FNDC3B: variants seen among roughly 807,000 people sequenced by gnomAD.
FNDC3B encodes fibronectin type III domain containing 3B, also known as fibronectin type III domain-containing protein 3B.
In FNDC3B, 12 loss-of-function variants were observed where a neutral mutation model predicts 151.5. The observed-to-expected ratio is 0.08, with a 90% CI of 0.05 to 0.13. The LOEUF is 0.13. Among genes scored for constraint, FNDC3B ranks in the 10% least tolerant of loss-of-function variants. The pLI is 1.00. For missense variants in FNDC3B, 1,214 were observed against 1,505.3 expected (o/e 0.81, Z 3.20); for synonymous variants, 528 against 549.0 (o/e 0.96, Z 0.54).
rs1731365187 is a variant in FNDC3B, at chr3:172,309,579, C to T, written c.1201-1249C>T. On this transcript the variant is annotated intron_variant, in intron 10 of 25. Transcript: ENST00000415807. ...AAGAGCCTAAAATAACAGTTTAGGA[C>T]TTAGAGCACTCACCTGAGATCCGAG... is the stretch of plus-strand genomic sequence containing the variant. 2.0e-5 allele frequency among the ~76,000 whole-genome samples: 3 copies of T among 152,058 alleles called. No homozygotes were observed. The South Asian group carries it at 6.2e-4, about 32-fold the overall frequency.
chr3:172,133,404 G>A (rs972828818), intron 2 of FNDC3B, 67 bp from the exon 3 acceptor site: 1 of 1,204,528 alleles, frequency 8.3e-7, no homozygotes, highest in Non-Finnish European at 1.2e-6. Context: ...TATAAATTTA[G>A]GTAATAACAC....
At chr3:172,145,232 A>G (rs1457376963) in intron 3 of FNDC3B, among the ~76,000 whole-genome samples, 2 of 152,190 alleles carry the variant, frequency 1.3e-5, no homozygotes, top group South Asian at 2.1e-4. Flanking sequence ...ATGTATTAGC[A>G]GATTATTATT....
intron 1 of FNDC3B, among the ~76,000 whole-genome samples, chr3:172,100,279 T>G (rs1719318141): frequency 6.6e-6 from 1 of 152,244 alleles, no homozygotes; most frequent in African/African-American, 2.4e-5. Flanking sequence ...CTGCTTACTT[T>G]TTCTTAACAA....
intron 3 of FNDC3B, among the ~76,000 whole-genome samples, chr3:172,190,939 G>A (rs1312750108): frequency 6.6e-6 from 1 of 152,194 alleles, no homozygotes; most frequent in Non-Finnish European, 1.5e-5. Context: ...AAAGTGCTGG[G>A]ATTACAGGCG....
At chr3:172,190,926 G>C (rs1454658266) in intron 3 of FNDC3B, among the ~76,000 whole-genome samples, 1 of 152,120 alleles carries the variant, frequency 6.6e-6, no homozygotes, top group African/African-American at 2.4e-5. Flanking sequence ...GCCTTGGCCT[G>C]CCAAAGTGCT....
intron 2 of FNDC3B, among the ~76,000 whole-genome samples, chr3:172,119,985 G>A (rs1042963784): frequency 1.3e-5 from 2 of 152,192 alleles, no homozygotes; most frequent in African/African-American, 4.8e-5. Flanking sequence ...AGATCTCTCT[G>A]AGTTAGTTTT....
intron 1 of FNDC3B, among the ~76,000 whole-genome samples, chr3:172,109,987 C>T (rs1196677390): frequency 2.0e-5 from 3 of 152,196 alleles, no homozygotes; most frequent in Non-Finnish European, 4.4e-5. Context: ...CTGGGGGATC[C>T]ATCTACCTTA....
chr3:172,368,239 C>T (rs1734722924), intron 23 of FNDC3B, among the ~76,000 whole-genome samples: 1 of 143,650 alleles, frequency 7.0e-6, no homozygotes, highest in South Asian at 2.2e-4. Flanking sequence ...CACTACACTA[C>T]AGCTTGGGCA....
chr3:172,338,610 G>C lies in FNDC3B; in HGVS notation c.1852+1209G>C, dbSNP rs572410709. Among the ~76,000 whole-genome samples, 9 of 152,180 alleles carry C rather than the reference G, an allele frequency of 5.9e-5. No individual in the cohort carries two copies. The South Asian group carries it at 1.9e-3, about 32-fold the overall frequency. On this transcript the variant is annotated intron_variant, in intron 16 of 25. Coordinates refer to ENST00000415807, the MANE Select transcript of FNDC3B (RefSeq NM_022763.4). ...CTTAGTGCCTTTTTAAAAATTCTAA[G>C]GTTTTCTTTCTAATAAAATTCATTA... is the stretch of plus-strand genomic sequence containing the variant.
intron 10 of FNDC3B, among the ~76,000 whole-genome samples, chr3:172,309,302 T>C (rs969250425): frequency 1.3e-5 from 2 of 152,200 alleles, no homozygotes; most frequent in Non-Finnish European, 2.9e-5. Context: ...AGATCTGACA[T>C]CTTTTTGTTC....
intron 1 of FNDC3B, among the ~76,000 whole-genome samples, chr3:172,110,449 T>C (rs574121770): frequency 4.6e-5 from 7 of 152,194 alleles, no homozygotes; most frequent in African/African-American, 1.7e-4. Context: ...TTGAACTCTC[T>C]AAACCTGTAT....
Position 172,177,626 on chromosome 3 carries a change from C to CTTTTTTTTTTTTTTTTTTTT in FNDC3B, c.187+44082_187+44101dup, listed in dbSNP as rs10684671. Among the ~76,000 whole-genome samples, 253 of 84,810 alleles carry CTTTTTTTTTTTTTTTTTTTT rather than the reference C, an allele frequency of 3.0e-3. 20 individuals are homozygous for CTTTTTTTTTTTTTTTTTTTT. The highest frequency in any genetic ancestry group is 8.2e-3 in the African/African-American group (169 of 20,510). The allele number at this position is 84,810 out of a possible 152,430, so 55.6% of individuals were successfully genotyped here. ...AGGAAGGAATCATTTTTACCACCATCTTTTTTTTTTTTTTTTTTTTTGCAC... is the reference window on the plus strand; with the variant it reads ...AGGAAGGAATCATTTTTACCACCATCTTTTTTTTTTTTTTTTTTTTTTTTTTTTTTTTTTTTTTTTTGCAC... On this transcript the variant is annotated intron_variant, in intron 3 of 25. Transcript: ENST00000415807.
At chr3:172,132,688 G>A (rs1440394422) in intron 2 of FNDC3B, among the ~76,000 whole-genome samples, 1 of 152,212 alleles carries the variant, frequency 6.6e-6, no homozygotes, top group Non-Finnish European at 1.5e-5. Context: ...GTGAGCCACC[G>A]TGCCCAGCCT....
intron 22 of FNDC3B, among the ~76,000 whole-genome samples, chr3:172,360,132 G>T (rs1734293584): frequency 6.6e-6 from 1 of 152,168 alleles, no homozygotes. Flanking sequence ...AGTTCCAGTT[G>T]TACCTTATCC....
intron 7 of FNDC3B, among the ~76,000 whole-genome samples, chr3:172,294,291 T>A (rs946567671): frequency 2.0e-5 from 3 of 152,112 alleles, no homozygotes; most frequent in Non-Finnish European, 2.9e-5. Context: ...TACCTGAGAT[T>A]GGGTAATTTA....
At chr3:172,218,303 A>G (rs1726099985) in intron 3 of FNDC3B, among the ~76,000 whole-genome samples, 1 of 152,114 alleles carries the variant, frequency 6.6e-6, no homozygotes, top group Non-Finnish European at 1.5e-5. Flanking sequence ...GTAGACAACT[A>G]TGACAAAGCA....
At chr3:172,186,194 T>C (rs1475976897) in intron 3 of FNDC3B, among the ~76,000 whole-genome samples, 2 of 152,202 alleles carry the variant, frequency 1.3e-5, no homozygotes, top group African/African-American at 4.8e-5. Flanking sequence ...TTTTCTCTTA[T>C]GATGCTCTGC....
chr3:172,270,513 T>C (rs1176706794), intron 6 of FNDC3B, among the ~76,000 whole-genome samples: 1 of 152,216 alleles, frequency 6.6e-6, no homozygotes, highest in Non-Finnish European at 1.5e-5. Context: ...AAAGTTCTTT[T>C]ATACTTTGTA....
intron 1 of FNDC3B, among the ~76,000 whole-genome samples, chr3:172,058,328 A>G (rs1428899297): frequency 6.6e-6 from 1 of 152,180 alleles, no homozygotes; most frequent in Non-Finnish European, 1.5e-5. Flanking sequence ...GTTACAGAGG[A>G]AAAAAATGTG....
Sources: gnomAD v4.1 joint callset for allele counts (sites outside exome capture counted in the v4.1 genomes callset) on GRCh38, gnomAD v4.1.1 for gene constraint, MANE v1.5 for transcripts, NCBI Gene and HGNC (gene_info 2026-07-23, HGNC 2026-07-21) for gene names.